Variants in LHFPL6 observed in about 807,000 individuals in gnomAD.
The protein encoded by LHFPL6 is LHFPL tetraspan subfamily member 6 protein.
A neutral mutation model predicts 20.6 loss-of-function variants in LHFPL6; 9 were observed. The ratio of observed to expected loss-of-function variants is 0.44; its 90% CI spans 0.26 to 0.76. LHFPL6 has a LOEUF of 0.76. Ranked by LOEUF, LHFPL6 falls within the 30% of genes least tolerant of loss-of-function variation. LHFPL6 has a pLI of 0.20. For missense variants in LHFPL6, 218 were observed against 253.5 expected, an observed-to-expected ratio of 0.86 and a Z score of 0.95; for synonymous variants, 105 against 98.7, an observed-to-expected ratio of 1.06 and a Z score of -0.38.
At chr13:39,376,778 AACTG>A (rs1566097270) in intron 3 of LHFPL6, among the ~76,000 whole-genome samples, 1 of 152,166 alleles carries the variant, frequency 6.6e-6, no homozygotes, top group African/African-American at 2.4e-5. Flanking sequence ...CTAAGTTAGT[AACTG>A]ACTATGTACT....
At chr13:39,556,257 A>G (rs1871300907) in intron 2 of LHFPL6, among the ~76,000 whole-genome samples, 1 of 152,224 alleles carries the variant, frequency 6.6e-6, no homozygotes. Context: ...ATGTGAAAGC[A>G]GCTTTGGAAC....
At chr13:39,458,928 CTTT>C (rs983958889) in intron 2 of LHFPL6, among the ~76,000 whole-genome samples, 1 of 152,162 alleles carries the variant, frequency 6.6e-6, no homozygotes, top group Non-Finnish European at 1.5e-5. Context: ...TTTCAACACA[CTTT>C]TTTTCCTTCT....
At chr13:39,395,044 G>T (rs569080008) in intron 2 of LHFPL6, among the ~76,000 whole-genome samples, 1 of 152,164 alleles carries the variant, frequency 6.6e-6, no homozygotes, top group African/African-American at 2.4e-5. Context: ...TTCCCACGGG[G>T]CTCCAAACAG....
intron 2 of LHFPL6, among the ~76,000 whole-genome samples, chr13:39,591,733 C>G (rs908836475): frequency 6.6e-5 from 10 of 152,144 alleles, no homozygotes; most frequent in African/African-American, 2.4e-4. Context: ...CTCTCTGGGG[C>G]TAGGCCTTGG....
chr13:39,569,967 G>T (rs1871862054), intron 2 of LHFPL6, among the ~76,000 whole-genome samples: 1 of 152,130 alleles, frequency 6.6e-6, no homozygotes. Flanking sequence ...GAATGATTTA[G>T]AATGGTGGAA....
chr13:39,389,983 A>G (rs1870661571), intron 2 of LHFPL6, among the ~76,000 whole-genome samples: 1 of 152,106 alleles, frequency 6.6e-6, no homozygotes, highest in African/African-American at 2.4e-5. Context: ...AGTGCCCTTA[A>G]CCAACACATC....
At chr13:39,358,874 T>TA (rs1471985109) in intron 3 of LHFPL6, among the ~76,000 whole-genome samples, 1 of 152,052 alleles carries the variant, frequency 6.6e-6, no homozygotes, top group African/African-American at 2.4e-5. Flanking sequence ...TGACTTTTGT[T>TA]AAAAAGTGAA....
intron 2 of LHFPL6, among the ~76,000 whole-genome samples, chr13:39,569,807 A>G (rs566728864): frequency 1.8e-4 from 28 of 152,322 alleles, no homozygotes; most frequent in Admixed American, 5.2e-4. Flanking sequence ...AGAGTGCCCA[A>G]CTAGAACTAG....
intron 2 of LHFPL6, among the ~76,000 whole-genome samples, chr13:39,531,227 G>A (rs1019335896): frequency 6.6e-6 from 1 of 152,148 alleles, no homozygotes; most frequent in Non-Finnish European, 1.5e-5. Context: ...CCATACCCTA[G>A]TGACATGACT....
chr13:39,569,173 G>GGACGGACGGACGGACGGACA, intron 2 of LHFPL6, among the ~76,000 whole-genome samples: 1 of 151,738 alleles, frequency 6.6e-6, no homozygotes, highest in African/African-American at 2.4e-5. Context: ...ATGGATGGAT[G>GGACGGACGGACGGACGGACA]GATGGATGGA....
chr13:39,430,268 T>C (rs1038019154), intron 2 of LHFPL6, among the ~76,000 whole-genome samples: 4 of 152,210 alleles, frequency 2.6e-5, no homozygotes, highest in African/African-American at 7.2e-5. Flanking sequence ...CTGAAGAAAG[T>C]TGACTCACTC....
chr13:39,505,937 T>G (rs1593339846), intron 2 of LHFPL6, among the ~76,000 whole-genome samples: 2 of 152,332 alleles, frequency 1.3e-5, no homozygotes, highest in South Asian at 4.1e-4. Context: ...ATCAATAATT[T>G]CTCAGTCCTC....
At chr13:39,541,035 C>G in intron 2 of LHFPL6, among the ~76,000 whole-genome samples, 1 of 152,182 alleles carries the variant, frequency 6.6e-6, no homozygotes, top group East Asian at 1.9e-4. Context: ...ACTTTCTATA[C>G]AAGAGAAGTA....
At chr13:39,542,578 T>C (rs1870844718) in intron 2 of LHFPL6, among the ~76,000 whole-genome samples, 1 of 152,158 alleles carries the variant, frequency 6.6e-6, no homozygotes, top group Non-Finnish European at 1.5e-5. Flanking sequence ...CCTGACTTTG[T>C]AAGACTGTTT....
chr13:39,519,386 G>C (rs570537134), intron 2 of LHFPL6, among the ~76,000 whole-genome samples: 1 of 152,294 alleles, frequency 6.6e-6, no homozygotes, highest in South Asian at 2.1e-4. Flanking sequence ...TTTCAAGGCA[G>C]CTCATAGGGA....
intron 2 of LHFPL6, among the ~76,000 whole-genome samples, chr13:39,540,269 A>AAATACCATATT (rs1283277466): frequency 1.3e-5 from 2 of 152,118 alleles, no homozygotes; most frequent in Non-Finnish European, 2.9e-5. Flanking sequence ...ACTCACGAAA[A>AAATACCATATT]AATACCATAT....
intron 2 of LHFPL6, among the ~76,000 whole-genome samples, chr13:39,417,311 C>T (rs1369753738): frequency 1.3e-5 from 2 of 152,192 alleles, no homozygotes; most frequent in Non-Finnish European, 2.9e-5. Context: ...ACTTGGGTGC[C>T]CCCAGAGGCT....
chr13:39,589,307 A>G (rs1872538301), intron 2 of LHFPL6, among the ~76,000 whole-genome samples: 1 of 152,156 alleles, frequency 6.6e-6, no homozygotes, highest in East Asian at 1.9e-4. Flanking sequence ...GGGTTTCACC[A>G]TGTTGGTCAG....
At chr13:39,353,264 G>A (rs886396039) in intron 3 of LHFPL6, among the ~76,000 whole-genome samples, 17 of 151,556 alleles carry the variant, frequency 1.1e-4, no homozygotes, top group African/African-American at 4.1e-4. Context: ...GAGATTACAG[G>A]CGTAAGCCAC....
Sources: gnomAD v4.1 joint callset for allele counts (sites outside exome capture counted in the v4.1 genomes callset) on GRCh38, gnomAD v4.1.1 for gene constraint, MANE v1.5 for transcripts, NCBI Gene and HGNC (gene_info 2026-07-23, HGNC 2026-07-21) for gene names.